The following BSPH1 variants were observed in gnomAD, a reference collection of about 807,000 sequenced individuals.
The protein encoded by BSPH1 is binder of sperm protein homolog 1, also known as binder of sperm 1.
BSPH1 carries 21 observed loss-of-function variants against 22.5 expected under a neutral mutation model. The observed-to-expected ratio is 0.93, with a 90% CI of 0.66 to 1.35. BSPH1 has a LOEUF of 1.35. Among genes scored for constraint, BSPH1 ranks in the 40% most tolerant of loss-of-function variants. The pLI, the probability that BSPH1 is intolerant of heterozygous loss-of-function variation, is 0.00. For synonymous variants in BSPH1, 42 were observed against 53.6 expected (o/e 0.78, Z 0.95); for missense variants, 141 against 154.2 (o/e 0.91, Z 0.45).
intron 5 of BSPH1, among the ~76,000 whole-genome samples, chr19:47,974,330 C>T (rs7250829): frequency 0.75 from 108,747 of 145,884 alleles, 40,706 homozygotes; most frequent in African/African-American, 0.79. Flanking sequence ...AGTGCAATGG[C>T]ACGATCTCGG....
At chr19:47,968,517 C>T (rs571868734) in intron 5 of BSPH1, among the ~76,000 whole-genome samples, 3 of 151,490 alleles carry the variant, frequency 2.0e-5, no homozygotes, top group Non-Finnish European at 3.0e-5. Context: ...TCCACCATGC[C>T]CAGCTAATTT....
At chr19:47,970,307 C>T (rs1006797898) in intron 5 of BSPH1, among the ~76,000 whole-genome samples, 3 of 152,178 alleles carry the variant, frequency 2.0e-5, no homozygotes, top group Non-Finnish European at 4.4e-5. Flanking sequence ...GATCCACCTA[C>T]GTCAGCCTCC....
rs1257742015 is a variant in BSPH1 at position 47,968,179 on chromosome 19, T to A, written c.*33A>T. 1 of 152,204 alleles carries A rather than the reference T, an allele frequency of 6.6e-6. No homozygotes were observed. Among genetic ancestry groups the A allele is most frequent in the African/African-American group, 2.4e-5 (1 of 41,446 alleles). The allele number at this position is 152,204 out of a possible 1,614,324, so 9.4% of individuals were successfully genotyped here. On this transcript the variant is annotated 3_prime_UTR_variant, in exon 6 of 6. Transcript: ENST00000344839. ...CTGGATGCATCGATCATGTTTTGTC[T>A]GTATCTGATAGCCAGCAGATGCAAG...
chr19:47,987,437 G>A (rs1035926881), intron 1 of BSPH1, among the ~76,000 whole-genome samples: 2 of 149,302 alleles, frequency 1.3e-5, no homozygotes, highest in Non-Finnish European at 3.0e-5. Context: ...CCAGGTTGGA[G>A]TACAGTGGCG....
chr19:47,976,678 CG>C, intron 5 of BSPH1, 31 bp downstream of exon 5: 7 of 1,508,712 alleles, frequency 4.6e-6, no homozygotes, highest in Non-Finnish European at 5.4e-6. Context: ...AATGATTAAA[CG>C]TCTTCATCCC....
intron 5 of BSPH1, 108 bp downstream of exon 5, chr19:47,976,602 A>C (rs1042450658): frequency 1.5e-5 from 12 of 810,878 alleles, no homozygotes; most frequent in South Asian, 8.5e-5. Flanking sequence ...AAAAACAAAA[A>C]AAAACCCTCT....
chr19:47,984,971 G>A (rs972363746), intron 1 of BSPH1, among the ~76,000 whole-genome samples: 11 of 151,512 alleles, frequency 7.3e-5, no homozygotes, highest in African/African-American at 2.7e-4. Context: ...GGAGGCTGAG[G>A]CAGGAGAATC....
chr19:47,976,876 A>C (rs1009702759), intron 4 of BSPH1, 22 bp from the exon 5 acceptor site: 1 of 1,550,500 alleles, frequency 6.4e-7, no homozygotes, highest in Non-Finnish European at 8.7e-7. Flanking sequence ...GAAGAGGAAG[A>C]AGCAGAGTAA....
rs150014851 is a variant in BSPH1 at position 47,984,999 on chromosome 19, A to T, written c.74-4058T>A. ...GGAGAATCGCTTGAACCTGGGAGGCAGAGGTTGCAGTGAGCCAAGATCGCA... is the reference window on the plus strand; with the variant it reads ...GGAGAATCGCTTGAACCTGGGAGGCTGAGGTTGCAGTGAGCCAAGATCGCA... On this transcript the variant is annotated intron_variant, in intron 1 of 5. Transcript: ENST00000344839. 2.4e-3 allele frequency among the ~76,000 whole-genome samples: 356 copies of T among 150,436 alleles called. 2 individuals are homozygous for T. Among genetic ancestry groups the T allele is most frequent in the African/African-American group, 8.7e-3 (354 of 40,918 alleles).
At chr19:47,970,023 G>A (rs190750865) in intron 5 of BSPH1, among the ~76,000 whole-genome samples, 30 of 152,072 alleles carry the variant, frequency 2.0e-4, no homozygotes, top group African/African-American at 6.7e-4. Context: ...GTGTGAGAGA[G>A]AGAGAGAGAC....
intron 1 of BSPH1, among the ~76,000 whole-genome samples, chr19:47,991,400 T>C (rs546230049): frequency 1.1e-4 from 16 of 151,130 alleles, no homozygotes; most frequent in African/African-American, 3.9e-4. Flanking sequence ...GTCCCTCTCC[T>C]TTTTCACCTT....
intron 4 of BSPH1, 141 bp from the exon 5 acceptor site, chr19:47,976,995 T>C: frequency 1.3e-6 from 1 of 783,516 alleles, no homozygotes; most frequent in African/African-American, 1.7e-5. Flanking sequence ...ACATGCACAC[T>C]CACACAGACA....
intron 1 of BSPH1, among the ~76,000 whole-genome samples, chr19:47,982,360 T>A (rs1414111254): frequency 3.3e-5 from 5 of 152,262 alleles, no homozygotes; most frequent in Non-Finnish European, 5.9e-5. Context: ...ATTCTGAATT[T>A]GTTGTGTATA....
chr19:47,979,673 A>C (rs1969400130), intron 2 of BSPH1, 74 bp from the exon 3 acceptor site: 5 of 632,244 alleles, frequency 7.9e-6, no homozygotes, highest in Non-Finnish European at 1.3e-5. Context: ...ACGTAAAATA[A>C]AATTAAATAA....
chr19:47,982,784 C>G (rs958452743), intron 1 of BSPH1, among the ~76,000 whole-genome samples: 2 of 152,090 alleles, frequency 1.3e-5, no homozygotes, highest in African/African-American at 4.8e-5. Context: ...TAAAAAGGAA[C>G]AAAATTTGAA....
intron 1 of BSPH1, among the ~76,000 whole-genome samples, chr19:47,990,118 C>CAA (rs11329791): frequency 3.5e-3 from 351 of 98,950 alleles, no homozygotes; most frequent in East Asian, 7.1e-3. Flanking sequence ...GACTCCATCT[C>CAA]AAAAAAAAAA....
intron 5 of BSPH1, among the ~76,000 whole-genome samples, chr19:47,973,737 T>A (rs1969333724): frequency 6.6e-6 from 1 of 152,136 alleles, no homozygotes; most frequent in African/African-American, 2.4e-5. Flanking sequence ...GAGGGCGCCA[T>A]CTTGTTCTTG....
chr19:47,976,601 A>C (rs1969366485), intron 5 of BSPH1, 109 bp downstream of exon 5: 1 of 808,782 alleles, frequency 1.2e-6, no homozygotes, highest in African/African-American at 1.8e-5. Context: ...AAAAAACAAA[A>C]AAAAACCCTC....
chr19:47,972,807 T>C (rs1217804737), intron 5 of BSPH1, among the ~76,000 whole-genome samples: 1 of 152,066 alleles, frequency 6.6e-6, no homozygotes, highest in Non-Finnish European at 1.5e-5. Flanking sequence ...CCCAGTTTTA[T>C]TTCCTTCCTA....
Sources: gnomAD v4.1 joint callset for allele counts (sites outside exome capture counted in the v4.1 genomes callset) on GRCh38, gnomAD v4.1.1 for gene constraint, MANE v1.5 for transcripts, NCBI Gene and HGNC (gene_info 2026-07-23, HGNC 2026-07-21) for gene names.